The following FOXP3 variants were observed in gnomAD, a reference collection of about 807,000 sequenced individuals.
The protein encoded by FOXP3 is forkhead box protein P3.
Under a neutral mutation model 31.2 loss-of-function variants are expected in FOXP3, and 5 were observed. The observed-to-expected ratio is 0.16, with a 90% CI of 0.08 to 0.34. The LOEUF (loss-of-function observed/expected upper bound fraction) is 0.34, where lower values mean the gene tolerates loss of function less well. FOXP3 is among the 10% of genes least tolerant of loss of function. The pLI is 1.00. For synonymous variants in FOXP3, 141 were observed against 148.8 expected, an observed-to-expected ratio of 0.95 and a Z score of 0.38; for missense variants, 251 against 363.0, an observed-to-expected ratio of 0.69 and a Z score of 2.51.
intron 1 of FOXP3, 119 bp from the exon 2 acceptor site, chrX:49,258,646 G>A (rs973626495): frequency 7.3e-6 from 4 of 547,590 alleles, no homozygotes; most frequent in East Asian, 3.7e-5. Context: ...GACATGTCCC[G>A]AGGGGCCCCA....
rs1377009357 is a variant in FOXP3, at chrX:49,259,353, C to T, written c.-22-826G>A. ...GGCAGCTGAATACGGGGGTCTGGAT[C>T]TCAGGGCAAGGAGGCGAGTCCAGGA... On this transcript the variant is annotated intron_variant, in intron 1 of 11. Coordinates refer to ENST00000376207, the MANE Select transcript of FOXP3 (RefSeq NM_014009.4). The T allele has an allele frequency of 5.5e-5, 28 of 508,626 alleles. No individual in the cohort carries two copies. The South Asian group carries it at 6.9e-4, about 13-fold the overall frequency. The allele number at this position is 508,626 out of a possible 1,213,427, so 41.9% of individuals were successfully genotyped here.
At chrX:49,258,205 C>A (rs963637063) in intron 2 of FOXP3, 91 bp downstream of exon 2, 2 of 751,951 alleles carry the variant, frequency 2.7e-6, no homozygotes, top group African/African-American at 4.2e-5. Flanking sequence ...CCCCAGCCAG[C>A]CCCCCTCCCG....
chrX:49,258,426 C>A lies in FOXP3; in HGVS notation c.80G>T (p.Arg27Met). The A allele has an allele frequency of 8.4e-7, 1 of 1,184,149 alleles. No homozygotes were observed. The highest frequency in any genetic ancestry group is 1.9e-5 in the South Asian group (1 of 53,813). ...GPSPGASPSW[R>M]AAPKASDLLG... Reference sequence around the variant, plus strand: ...CAGGTCTGAGGCTTTGGGTGCAGCCCTCCAGCTGGGCGAGGCTCCTGGGGA... The same window carrying A: ...CAGGTCTGAGGCTTTGGGTGCAGCCATCCAGCTGGGCGAGGCTCCTGGGGA... Residue 27 changes from arginine (R) to methionine (M), a missense_variant, in exon 2 of 12, where the codon AGG (arginine) becomes ATG (methionine). Arg to Met is a moderately conservative substitution (Grantham distance 91). This residue lies in a region of FOXP3 where 152 missense variants were observed against 188.1 expected (regional missense o/e 0.81). Coordinates refer to ENST00000376207, the MANE Select transcript of FOXP3 (RefSeq NM_014009.4).
intron 10 of FOXP3, among the ~76,000 whole-genome samples, chrX:49,252,074 T>A (rs1557115675): frequency 9.3e-6 from 1 of 107,149 alleles, no homozygotes; most frequent in Non-Finnish European, 1.9e-5. Context: ...TGGGATGGAG[T>A]TGGAGTTGGG....
chrX:49,252,732 G>A (rs2066042056), intron 10 of FOXP3, among the ~76,000 whole-genome samples: 1 of 109,278 alleles, frequency 9.2e-6, no homozygotes, highest in Non-Finnish European at 1.9e-5. Flanking sequence ...AGATGGGGTT[G>A]GGTTGGCATA....
chrX:49,255,864 G>A, intron 6 of FOXP3, 62 bp from the exon 7 acceptor site: 1 of 1,008,510 alleles, frequency 9.9e-7, no homozygotes, highest in Non-Finnish European at 1.4e-6. Context: ...TCAATGCTCT[G>A]AATGGGGAGG....
chrX:49,254,042 C>G lies in FOXP3; in HGVS notation c.842G>C (p.Cys281Ser). Residue 281 changes from cysteine to serine, a missense_variant, in exon 9 of 12, where the codon TGC (cysteine) becomes TCC (serine). Physicochemically the swap from Cys to Ser is moderately radical, Grantham distance 112. This residue lies in a region of FOXP3 where 57 missense variants were observed against 60.9 expected (regional missense o/e 0.94). Transcript: ENST00000376207. ...GCCTTGGCTGCCAGCAGCTACGATG[C>G]AGCAGGAGCCCTTGTCGGATGATGC... The part of the protein sequence containing the change: ...SVASSDKGSC[C>S]IVAAGSQGPV... 8.3e-7 allele frequency: 1 copy of G among 1,208,111 alleles called. No homozygotes were observed. The highest frequency in any genetic ancestry group is 1.1e-6 in the Non-Finnish European group (1 of 893,705).
intron 4 of FOXP3, 150 bp downstream of exon 4, chrX:49,257,277 T>A: frequency 1.3e-6 from 1 of 794,387 alleles, no homozygotes; most frequent in Non-Finnish European, 1.7e-6. Flanking sequence ...GCACCTGACG[T>A]TTTTTGGAGG....
chrX:49,252,869 G>C (rs1156798968), intron 10 of FOXP3, among the ~76,000 whole-genome samples: 1 of 110,270 alleles, frequency 9.1e-6, no homozygotes, highest in Non-Finnish European at 1.9e-5. Flanking sequence ...TGGACATCTG[G>C]AAAGGGGTAG....
At chrX:49,254,678 C>A (rs782148573) in intron 8 of FOXP3, among the ~76,000 whole-genome samples, 2 of 111,755 alleles carry the variant, frequency 1.8e-5, no homozygotes, top group African/African-American at 6.5e-5. Flanking sequence ...ACATTCGCAT[C>A]ATGAGAAATA....
At position 49,250,587 on chromosome X, in the gene FOXP3, G is replaced by A; in HGVS notation, c.*747C>T. On this transcript the variant is annotated 3_prime_UTR_variant, in exon 12 of 12. Transcript: ENST00000376207. ...GAGGTGAGTGGCAGGGGAGACACGG[G>A]GTATTTTTGGCAAGGCAGTGTGTGT... The A allele has an allele frequency of 2.7e-6, 1 of 371,199 alleles. No homozygotes were observed. Among genetic ancestry groups the A allele is most frequent in the Admixed American group, 3.3e-5 (1 of 30,300 alleles). 30.6% of individuals were successfully genotyped at this position (371,199 alleles called of 1,213,427 possible).
At position 49,255,739 on chromosome X, in the gene FOXP3, C is replaced by T. The variant is rs1557116204; in HGVS notation, c.711G>A (p.Glu237=). 8.3e-7 allele frequency: 1 copy of T among 1,209,416 alleles called. No individual in the cohort carries two copies. The highest frequency in any genetic ancestry group is 1.1e-6 in the Non-Finnish European group (1 of 894,295). ...CCTGCTGCTCCAGAGACTGTACCAT[C>T]TCTCTCTGGAGGAGACATTGTGCCC... ...KGRAQCLLQR[E]MVQSLEQQLV... Residue 237 remains glutamate, a synonymous_variant, in exon 7 of 12, where the codon GAG becomes GAA. Transcript: ENST00000376207.
chrX:49,251,147 CA>C lies in FOXP3; in HGVS notation c.*186del. On this transcript the variant is annotated 3_prime_UTR_variant, in exon 12 of 12. Coordinates refer to ENST00000376207, the MANE Select transcript of FOXP3 (RefSeq NM_014009.4). ...GGGGCCCCTCTGAGCAGCCTTGGGG[CA>C]AAGGATATGATGGGGGAGGGGGTGG... is the stretch of plus-strand genomic sequence containing the variant. The C allele has an allele frequency of 1.9e-6, 1 of 514,858 alleles. No individual in the cohort carries two copies. Among genetic ancestry groups the C allele is most frequent in the East Asian group, 3.9e-5 (1 of 25,693 alleles). 42.4% of individuals were successfully genotyped at this position (514,858 alleles called of 1,213,427 possible).
In FOXP3 at chrX:49,253,003, G is replaced by A. The variant is rs187772420; in HGVS notation, c.1044+123C>T. 8.7e-5 allele frequency: 50 copies of A among 573,301 alleles called. No homozygotes were observed. The Admixed American group carries it at 1.4e-3, about 16-fold the overall frequency. 47.2% of individuals were successfully genotyped at this position (573,301 alleles called of 1,213,427 possible). Reference sequence around the variant, plus strand: ...GAGGCACGGCTTGGGGATCCTTGGGGCTGGGGCTTGGGAATGGAGGAACCC... The same window carrying A: ...GAGGCACGGCTTGGGGATCCTTGGGACTGGGGCTTGGGAATGGAGGAACCC... On this transcript the variant is annotated intron_variant, in intron 10 of 11. Transcript: ENST00000376207.
chrX:49,255,452 C>T lies in FOXP3; in HGVS notation c.793G>A (p.Ala265Thr). The T allele has an allele frequency of 8.3e-7, 1 of 1,203,878 alleles. No individual in the cohort carries two copies. Among genetic ancestry groups the T allele is most frequent in the Non-Finnish European group, 1.1e-6 (1 of 891,315 alleles). The change falls in exon 8 of 12, where the codon GCA (alanine) becomes ACA (threonine). Residue 265 changes from alanine to threonine, a missense_variant. Transcript: ENST00000376207. Reference protein sequence around the residue: ...AMQAHLAGKMALTKASSVASS... With the variant: ...AMQAHLAGKMTLTKASSVASS... ...ACCACAGATGAAGCCTTGGTCAGTG[C>T]CATTTTCCCAGCCAGGTGGGCCTGC...
At chrX:49,258,709 C>G (rs1460362308) in intron 1 of FOXP3, among the ~76,000 whole-genome samples, 182 bp from the exon 2 acceptor site, 3 of 106,645 alleles carry the variant, frequency 2.8e-5, no homozygotes, top group Admixed American at 2.0e-4. Context: ...ACACACACAC[C>G]AAGAACACAG....
rs781867702 is a variant in FOXP3 at position 49,264,591 on chromosome X, G to A, written c.-23+70C>T. ...GTACCAGAGGGCCCCTGACCCCCCC[G>A]CCGTGCCTACCTCCCTGCCATCTCC... On this transcript the variant is annotated intron_variant, in intron 1 of 11. Coordinates refer to ENST00000376207, the MANE Select transcript of FOXP3 (RefSeq NM_014009.4). The A allele has an allele frequency of 8.5e-4, 569 of 665,634 alleles. 1 individual carries two copies. The highest frequency in any genetic ancestry group is 9.7e-4 in the Non-Finnish European group (542 of 560,008). 54.9% of individuals were successfully genotyped at this position (665,634 alleles called of 1,213,427 possible). A position where few individuals can be genotyped will look rare whatever the true frequency, so the allele number is the denominator to read the frequency against.
chrX:49,263,327 G>A (rs1366533598), intron 1 of FOXP3, among the ~76,000 whole-genome samples: 1 of 112,152 alleles, frequency 8.9e-6, no homozygotes, highest in East Asian at 2.8e-4. Flanking sequence ...CTTAAGTAGA[G>A]GGAGCATAAA....
At chrX:49,252,028 T>G (rs367551684) in intron 10 of FOXP3, among the ~76,000 whole-genome samples, 75 of 109,217 alleles carry the variant, frequency 6.9e-4, no homozygotes, top group African/African-American at 2.4e-3. Flanking sequence ...GAGTGGGGTC[T>G]TGTTCAGGGC....
Sources: allele counts gnomAD v4.1 joint callset (sites outside exome capture counted in the v4.1 genomes callset), GRCh38; gene constraint gnomAD v4.1.1; regional missense constraint gnomAD v4.1.1; transcripts MANE v1.5; gene names NCBI Gene and HGNC (gene_info 2026-07-23, HGNC 2026-07-21).